The following HK3 variants were observed in gnomAD, a reference collection of about 807,000 sequenced individuals.
HK3 encodes hexokinase 3.
Under a neutral mutation model 91.0 loss-of-function variants are expected in HK3, and 93 were observed. The ratio of observed to expected loss-of-function variants is 1.02; its 90% CI spans 0.86 to 1.21. The LOEUF is 1.21. HK3 is among the 50% of genes most tolerant of loss of function. HK3 has a pLI of 0.00. For synonymous variants in HK3, 519 were observed against 516.9 expected (o/e 1.00, Z -0.06); for missense variants, 1,235 against 1,247.4 (o/e 0.99, Z 0.15).
chr5:176,884,311 G>A lies in HK3; in HGVS notation c.1858-177C>T, dbSNP rs1046843281. On this transcript the variant is annotated intron_variant, in intron 13 of 18. Coordinates refer to ENST00000292432, the MANE Select transcript of HK3 (RefSeq NM_002115.3). The surrounding 1 kb of genome is among the most constrained non-coding windows in gnomAD (Gnocchi z 4.1). ...CCCTCTGCCCGCTCCCTACTCCCCAGGAGGCTTTCGGTGTGCAAAAACCTA... is the reference window on the plus strand; with the variant it reads ...CCCTCTGCCCGCTCCCTACTCCCCAAGAGGCTTTCGGTGTGCAAAAACCTA... Among the ~76,000 whole-genome samples the A allele has an allele frequency of 5.9e-5, 9 of 152,200 alleles. No homozygotes were observed. Among genetic ancestry groups the A allele is most frequent in the Non-Finnish European group, 1.3e-4 (9 of 68,028 alleles).
chr5:176,889,812 GC>G, intron 6 of HK3, 68 bp from the exon 7 acceptor site: 3 of 1,329,110 alleles, frequency 2.3e-6, no homozygotes, highest in Non-Finnish European at 3.2e-6. Flanking sequence ...CAGGGGATGG[GC>G]AGGGCTGGGG....
intron 1 of HK3, 104 bp from the exon 2 acceptor site, chr5:176,896,289 A>T: frequency 3.8e-6 from 2 of 532,808 alleles, no homozygotes; most frequent in Non-Finnish European, 6.6e-6. Flanking sequence ...CCAGGAAGGA[A>T]GCTGGGAGCA....
intron 3 of HK3, 36 bp downstream of exon 3, chr5:176,891,352 C>T (rs1203953798): frequency 5.0e-6 from 8 of 1,609,104 alleles, no homozygotes; most frequent in Non-Finnish European, 6.8e-6. Flanking sequence ...TACCCTCTTC[C>T]AGGCCTGGCC....
intron 2 of HK3, among the ~76,000 whole-genome samples, chr5:176,894,357 G>T (rs1024202221): frequency 6.6e-6 from 1 of 152,196 alleles, no homozygotes; most frequent in Admixed American, 6.5e-5. Flanking sequence ...TGGGAAATTT[G>T]GTGTCCCTGT....
In HK3 at chr5:176,887,861, G is replaced by GGGGTCTGGGGCCA; in HGVS notation, c.1305-116_1305-115insTGGCCCCAGACCC. On this transcript the variant is annotated intron_variant, in intron 10 of 18. Transcript: ENST00000292432. The surrounding 1 kb of genome is among the most constrained non-coding windows in gnomAD (Gnocchi z 4.9). The stretch of plus-strand genomic sequence containing the variant: ...TACAGGTGTGCCCAGCTTGGCCCCA[G>GGGGTCTGGGGCCA]ACCCCTAGGGCCTCCTGAAGCCCAA... 3.8e-6 allele frequency: 4 copies of GGGGTCTGGGGCCA among 1,052,630 alleles called. No homozygotes were observed. Among genetic ancestry groups the GGGGTCTGGGGCCA allele is most frequent in the Non-Finnish European group, 5.5e-6 (4 of 732,142 alleles). 65.2% of individuals were successfully genotyped at this position (1,052,630 alleles called of 1,614,324 possible).
chr5:176,887,838 C>T lies in HK3; in HGVS notation c.1305-92G>A. 1.5e-6 allele frequency: 2 copies of T among 1,355,322 alleles called. No individual in the cohort carries two copies. Among genetic ancestry groups the T allele is most frequent in the Non-Finnish European group, 1.0e-6 (1 of 994,090 alleles). The allele number at this position is 1,355,322 out of a possible 1,614,324, so 84.0% of individuals were successfully genotyped here. On this transcript the variant is annotated intron_variant, in intron 10 of 18. Transcript: ENST00000292432. The surrounding 1 kb of genome is among the most constrained non-coding windows in gnomAD (Gnocchi z 4.9). ...TTGGCCCTGGACCCCCAGATACATA[C>T]AGGTGTGCCCAGCTTGGCCCCAGAC...
At chr5:176,896,474 G>A (rs534943091) in intron 1 of HK3, among the ~76,000 whole-genome samples, 4 of 152,328 alleles carry the variant, frequency 2.6e-5, no homozygotes, top group Non-Finnish European at 2.9e-5. Flanking sequence ...TATGCTGGAC[G>A]TTGTGGTACA....
chr5:176,891,574 T>C, intron 2 of HK3, 24 bp from the exon 3 acceptor site: 1 of 1,599,962 alleles, frequency 6.3e-7, no homozygotes, highest in Non-Finnish European at 8.5e-7. Flanking sequence ...GGCCAACATC[T>C]GGGAAGGAGC....
chr5:176,883,744 G>A, intron 15 of HK3, 26 bp downstream of exon 15: 2 of 1,563,264 alleles, frequency 1.3e-6, no homozygotes, highest in Non-Finnish European at 1.8e-6. Flanking sequence ...AGCAGTAGGG[G>A]CATGAAAGGG....
Position 176,891,166 on chromosome 5 carries a change from C to A in HK3, c.285G>T (p.Glu95Asp). 6.2e-7 allele frequency: 1 copy of A among 1,614,178 alleles called. No individual in the cohort carries two copies. Among genetic ancestry groups the A allele is most frequent in the Non-Finnish European group, 8.5e-7 (1 of 1,180,042 alleles). The change falls in exon 4 of 19, where the codon GAG becomes GAT. Residue 95 changes from glutamate to aspartate, a missense_variant. Glu to Asp is a conservative substitution (Grantham distance 45). Coordinates refer to ENST00000292432, the MANE Select transcript of HK3 (RefSeq NM_002115.3). ...GTEQGDFVVL[E>D]LGATGASLRV... ...GCAGTGAGGCCCCTGTGGCCCCCAG[C>A]TCCAGCACCACGAAGTCTCCTTGCT... is the stretch of plus-strand genomic sequence containing the variant.
At position 176,891,404 on chromosome 5, in the gene HK3, G is replaced by A. The variant is rs1217844769; in HGVS notation, c.243C>T (p.Ser81=). The A allele has an allele frequency of 6.2e-7, 1 of 1,613,164 alleles. No individual in the cohort carries two copies. Among genetic ancestry groups the A allele is most frequent in the Admixed American group, 1.7e-5 (1 of 59,956 alleles). The change falls in exon 3 of 19, where the codon TCC becomes TCT. Residue 81 remains serine, a synonymous_variant. Transcript: ENST00000292432. ...AVRMLPTYVG[S]TPHGTEQGDF... ...GATACCCACCAGTGCCATGTGGGGT[G>A]GACCCCACGTATGTAGGCAGCATCC...
intron 1 of HK3, 79 bp from the exon 2 acceptor site, chr5:176,896,264 TC>T: frequency 1.5e-6 from 1 of 669,310 alleles, no homozygotes; most frequent in South Asian, 2.5e-5. Context: ...CCAACTTCCT[TC>T]CTTCTGAAGG....
At chr5:176,892,596 T>C (rs1482332701) in intron 2 of HK3, among the ~76,000 whole-genome samples, 1 of 152,142 alleles carries the variant, frequency 6.6e-6, no homozygotes, top group African/African-American at 2.4e-5. Context: ...CCTCCCTGGA[T>C]TCATTGAAGG....
chr5:176,883,828 C>CA lies in HK3; in HGVS notation c.1994dup (p.Thr667AspfsTer8). ...CATAGCCACAGGACATCATGGTCCC[C>CA]ACCGTGTCATTGACAATGGCAACCA... is the stretch of plus-strand genomic sequence containing the variant. On this transcript the variant is annotated frameshift_variant, in exon 15 of 19. Coordinates refer to ENST00000292432, the MANE Select transcript of HK3 (RefSeq NM_002115.3). LOFTEE classifies it high-confidence loss of function. The CA allele has an allele frequency of 4.3e-6, 7 of 1,614,110 alleles. No homozygotes were observed. Among genetic ancestry groups the CA allele is most frequent in the Non-Finnish European group, 5.9e-6 (7 of 1,180,030 alleles).
At position 176,884,551 on chromosome 5, in the gene HK3, A is replaced by C. The variant is rs1415841571; in HGVS notation, c.1858-417T>G. ...ATCCCACCCTTTCAGAAAGAACTCCAAGTTACTCTAGAGGAAGGAATTCTC... is the reference window on the plus strand; with the variant it reads ...ATCCCACCCTTTCAGAAAGAACTCCCAGTTACTCTAGAGGAAGGAATTCTC... On this transcript the variant is annotated intron_variant, in intron 13 of 18. Transcript: ENST00000292432. The surrounding 1 kb of genome is among the most constrained non-coding windows in gnomAD (Gnocchi z 4.1). Among the ~76,000 whole-genome samples, 1 of 152,162 alleles carries C rather than the reference A, an allele frequency of 6.6e-6. No homozygotes were observed. The highest frequency in any genetic ancestry group is 1.5e-5 in the Non-Finnish European group (1 of 68,024).
Position 176,890,634 on chromosome 5 carries a change from C to T in HK3, c.630+1G>A. Reference sequence around the variant, plus strand: ...CTCCTGTCACCCCTCCCTCCACTCACCCCCTGCCTCCGAATGGCATCTCTC... The same window carrying T: ...CTCCTGTCACCCCTCCCTCCACTCATCCCCTGCCTCCGAATGGCATCTCTC... On this transcript the variant is annotated splice_donor_variant, in intron 6 of 18. Transcript: ENST00000292432. LOFTEE classifies it high-confidence loss of function. 6.2e-7 allele frequency: 1 copy of T among 1,613,484 alleles called. No homozygotes were observed. The highest frequency in any genetic ancestry group is 8.5e-7 in the Non-Finnish European group (1 of 1,179,406).
chr5:176,883,448 C>T (rs955926918), intron 15 of HK3, among the ~76,000 whole-genome samples: 8 of 152,150 alleles, frequency 5.3e-5, no homozygotes, highest in African/African-American at 1.7e-4. Context: ...AACTGAGGCT[C>T]TGGTGACTTG....
At chr5:176,891,583 G>C in intron 2 of HK3, 33 bp from the exon 3 acceptor site, 1 of 1,588,726 alleles carries the variant, frequency 6.3e-7, no homozygotes, top group South Asian at 1.2e-5. Context: ...CTGGGAAGGA[G>C]CACCATTGGG....
rs1758643775 is a variant in HK3, at chr5:176,887,847, C to T, written c.1305-101G>A. On this transcript the variant is annotated intron_variant, in intron 10 of 18. Coordinates refer to ENST00000292432, the MANE Select transcript of HK3 (RefSeq NM_002115.3). This position sits in a 1 kb window ranked among gnomAD's most constrained non-coding sequence, Gnocchi z 4.9. ...GACCCCCAGATACATACAGGTGTGC[C>T]CAGCTTGGCCCCAGACCCCTAGGGC... The T allele has an allele frequency of 7.7e-7, 1 of 1,293,360 alleles. No individual in the cohort carries two copies. The highest frequency in any genetic ancestry group is 2.5e-5 in the East Asian group (1 of 40,324). 80.1% of individuals were successfully genotyped at this position (1,293,360 alleles called of 1,614,324 possible).
Sources: gnomAD v4.1 joint callset for allele counts (sites outside exome capture counted in the v4.1 genomes callset) on GRCh38, gnomAD v4.1.1 for gene constraint, Gnocchi (gnomAD v3.1) non-coding constraint, MANE v1.5 for transcripts, NCBI Gene and HGNC (gene_info 2026-07-23, HGNC 2026-07-21) for gene names.